UBTD1: variants seen among roughly 807,000 people sequenced by gnomAD.
The protein encoded by UBTD1 is ubiquitin domain-containing protein 1.
In UBTD1, 19 loss-of-function variants were observed where a neutral mutation model predicts 21.7. The ratio of observed to expected loss-of-function variants is 0.87; its 90% CI spans 0.61 to 1.28. The LOEUF (loss-of-function observed/expected upper bound fraction) is 1.28. Among genes scored for constraint, UBTD1 ranks in the 50% most tolerant of loss-of-function variants. The pLI is 0.00. For synonymous variants in UBTD1, 116 were observed against 135.1 expected, an observed-to-expected ratio of 0.86 and a Z score of 0.98; for missense variants, 282 against 315.1, an observed-to-expected ratio of 0.89 and a Z score of 0.80.
chr10:97,514,521 G>A (rs2040436179), intron 1 of UBTD1, among the ~76,000 whole-genome samples: 1 of 152,208 alleles, frequency 6.6e-6, no homozygotes, highest in African/African-American at 2.4e-5. Context: ...ATATATAGCG[G>A]AGGACTAGCA....
At chr10:97,526,727 G>A (rs562461243) in intron 1 of UBTD1, among the ~76,000 whole-genome samples, 3 of 151,938 alleles carry the variant, frequency 2.0e-5, no homozygotes, top group Admixed American at 6.6e-5. Flanking sequence ...GGCATGCACC[G>A]GTAGTCCCAG....
intron 1 of UBTD1, among the ~76,000 whole-genome samples, chr10:97,508,234 G>A (rs2040407431): frequency 6.6e-6 from 1 of 152,240 alleles, no homozygotes; most frequent in Non-Finnish European, 1.5e-5. Context: ...TGGAACCCAG[G>A]TGTCTGATCT....
intron 1 of UBTD1, among the ~76,000 whole-genome samples, chr10:97,503,333 T>C (rs1294438664): frequency 2.0e-5 from 3 of 152,212 alleles, no homozygotes; most frequent in Non-Finnish European, 2.9e-5. Context: ...TTTACTCCTT[T>C]GGTGGGGGCT....
chr10:97,499,087 A>T lies in UBTD1; in HGVS notation c.-117A>T, dbSNP rs201800660. 1 of 1,165,562 alleles carries T rather than the reference A, an allele frequency of 8.6e-7. No homozygotes were observed. 72.2% of individuals were successfully genotyped at this position (1,165,562 alleles called of 1,614,324 possible). A position where few individuals can be genotyped will look rare whatever the true frequency, so the allele number is the denominator to read the frequency against. On this transcript the variant is annotated 5_prime_UTR_variant, in exon 1 of 3. Coordinates refer to ENST00000370664, the MANE Select transcript of UBTD1 (RefSeq NM_024954.5). ...TGGGGCTGAGCGCGCCCCCGGGGGGAGATCGGGGAGCGCCCGATGCCGGGC... is the reference window on the plus strand; with the variant it reads ...TGGGGCTGAGCGCGCCCCCGGGGGGTGATCGGGGAGCGCCCGATGCCGGGC...
rs1250200212 is a variant in UBTD1 at position 97,570,400 on chromosome 10, G to A, written c.561G>A (p.Ser187=). Residue 187 remains serine, a synonymous_variant, in exon 3 of 3, where the codon TCG becomes TCA. Transcript: ENST00000370664. This position sits in a 1 kb window ranked among gnomAD's most constrained non-coding sequence, Gnocchi z 6.6. ...QLHAQEGIEP[S]WQRWFFSGKL... ...ACGCCCAGGAGGGCATCGAGCCATC[G>A]TGGCAGCGGTGGTTCTTCTCCGGGA... is the stretch of plus-strand genomic sequence containing the variant. 2.5e-6 allele frequency: 4 copies of A among 1,613,428 alleles called. No homozygotes were observed. Among genetic ancestry groups the A allele is most frequent in the South Asian group, 2.2e-5 (2 of 91,090 alleles).
chr10:97,524,768 G>T lies in UBTD1; in HGVS notation c.70+25495G>T, dbSNP rs1307928526. ...CCTGGGATCCTGTTTTTTTGAAGTT[G>T]CTGCCACATCATAGAACATTGTTGT... is the stretch of plus-strand genomic sequence containing the variant. On this transcript the variant is annotated intron_variant, in intron 1 of 2. Coordinates refer to ENST00000370664, the MANE Select transcript of UBTD1 (RefSeq NM_024954.5). 2.0e-5 allele frequency among the ~76,000 whole-genome samples: 3 copies of T among 152,206 alleles called. No homozygotes were observed. In the East Asian group the frequency reaches 5.8e-4, roughly 29 times the overall value.
At chr10:97,510,735 G>A (rs1028386328) in intron 1 of UBTD1, among the ~76,000 whole-genome samples, 2 of 152,006 alleles carry the variant, frequency 1.3e-5, no homozygotes, top group African/African-American at 2.4e-5. Flanking sequence ...TCTACTGTTC[G>A]ACCCATTTAT....
At chr10:97,510,160 T>C (rs989082796) in intron 1 of UBTD1, among the ~76,000 whole-genome samples, 1 of 151,890 alleles carries the variant, frequency 6.6e-6, no homozygotes, top group Non-Finnish European at 1.5e-5. Context: ...AGATGGGGTT[T>C]CACTGTGTTG....
intron 1 of UBTD1, among the ~76,000 whole-genome samples, chr10:97,541,804 G>A (rs1183191103): frequency 6.9e-6 from 1 of 145,734 alleles, no homozygotes; most frequent in African/African-American, 2.6e-5. Flanking sequence ...GTGCGATCTC[G>A]GCTCACTGCA....
At chr10:97,528,036 GCCCCTCACC>G (rs2040498751) in intron 1 of UBTD1, among the ~76,000 whole-genome samples, 1 of 148,634 alleles carries the variant, frequency 6.7e-6, no homozygotes, top group African/African-American at 2.5e-5. Context: ...GGGCAGAGGC[GCCCCTCACC>G]TCCCGGACGG....
chr10:97,547,168 C>T (rs1330524773), intron 1 of UBTD1, among the ~76,000 whole-genome samples: 3 of 152,190 alleles, frequency 2.0e-5, no homozygotes, highest in African/African-American at 4.8e-5. Flanking sequence ...CAGGCTGTGC[C>T]GTTCGCTTCT....
At chr10:97,546,945 C>T (rs527682469) in intron 1 of UBTD1, among the ~76,000 whole-genome samples, 10 of 152,178 alleles carry the variant, frequency 6.6e-5, no homozygotes, top group Non-Finnish European at 1.5e-5. Flanking sequence ...GTCTCTCTCT[C>T]GGGAAACAGC....
intron 1 of UBTD1, among the ~76,000 whole-genome samples, chr10:97,547,866 G>A (rs951888909): frequency 2.6e-5 from 4 of 151,102 alleles, no homozygotes; most frequent in East Asian, 1.9e-4. Context: ...GCCCAGCCTC[G>A]CAGTTTTCAT....
intron 1 of UBTD1, among the ~76,000 whole-genome samples, chr10:97,503,437 A>G (rs2040385985): frequency 1.3e-5 from 2 of 152,338 alleles, no homozygotes; most frequent in South Asian, 2.1e-4. Flanking sequence ...AGGGAGAGGT[A>G]GAGGTGGTAG....
chr10:97,532,520 G>A (rs144528736), intron 1 of UBTD1, among the ~76,000 whole-genome samples: 31 of 151,206 alleles, frequency 2.1e-4, no homozygotes, highest in Admixed American at 1.3e-3. Flanking sequence ...AGGCTAGTGC[G>A]GTGGCTCACG....
chr10:97,529,465 C>G (rs1347852877), intron 1 of UBTD1, among the ~76,000 whole-genome samples: 2 of 152,246 alleles, frequency 1.3e-5, no homozygotes, highest in Non-Finnish European at 1.5e-5. Context: ...GCACTCCAGC[C>G]TGGGCACCAT....
intron 1 of UBTD1, among the ~76,000 whole-genome samples, chr10:97,535,653 C>G (rs2040556804): frequency 6.6e-6 from 1 of 152,056 alleles, no homozygotes; most frequent in African/African-American, 2.4e-5. Context: ...TTACTTGCAG[C>G]TGTAGTGGCT....
Position 97,499,819 on chromosome 10 carries a change from G to A in UBTD1, c.70+546G>A, listed in dbSNP as rs187432157. Among the ~76,000 whole-genome samples, 239 of 152,312 alleles carry A rather than the reference G, an allele frequency of 1.6e-3. 1 individual carries two copies. In the East Asian group the frequency reaches 0.019, roughly 12 times the overall value. On this transcript the variant is annotated intron_variant, in intron 1 of 2. Coordinates refer to ENST00000370664, the MANE Select transcript of UBTD1 (RefSeq NM_024954.5). ...CCCGCAGGGGTTTTTAGAGCCTCTC[G>A]GCCGTCTGGGAGTCTATAAAAGATG...
intron 1 of UBTD1, among the ~76,000 whole-genome samples, chr10:97,513,826 T>C (rs6584132): frequency 0.79 from 119,677 of 151,714 alleles, 48,342 homozygotes; most frequent in East Asian, 0.98. Context: ...GATCCTCCCA[T>C]CCCACCTCCT....
Sources: gnomAD v4.1 joint callset for allele counts (sites outside exome capture counted in the v4.1 genomes callset) on GRCh38, gnomAD v4.1.1 for gene constraint, Gnocchi (gnomAD v3.1) non-coding constraint, MANE v1.5 for transcripts, NCBI Gene and HGNC (gene_info 2026-07-23, HGNC 2026-07-21) for gene names.